SPECC1: variants seen among roughly 807,000 people sequenced by gnomAD.
SPECC1 encodes sperm antigen with calponin homology and coiled-coil domains 1.
In SPECC1, 62 loss-of-function variants were observed where a neutral mutation model predicts 104.1. That is an observed-to-expected ratio of 0.60 (90% CI 0.49 to 0.74). The LOEUF (loss-of-function observed/expected upper bound fraction) is 0.74. SPECC1 is among the 30% of genes least tolerant of loss of function. SPECC1 has a pLI of 0.00. For synonymous variants in SPECC1, 513 were observed against 501.6 expected (o/e 1.02, Z -0.30); for missense variants, 1,306 against 1,310.5 (o/e 1.00, Z 0.05).
At chr17:20,110,372 G>A (rs1474885085) in intron 2 of SPECC1, 55 bp from the exon 3 acceptor site, 13 of 1,551,800 alleles carry the variant, frequency 8.4e-6, no homozygotes, top group East Asian at 2.3e-5. Flanking sequence ...TGTTTATAGC[G>A]CTCCTTCCTG....
chr17:20,242,110 C>G (rs2039229008), intron 7 of SPECC1, among the ~76,000 whole-genome samples: 1 of 152,214 alleles, frequency 6.6e-6, no homozygotes, highest in African/African-American at 2.4e-5. Context: ...CCATACAACA[C>G]TACCCAAATG....
chr17:20,137,402 A>G (rs2030129365), intron 3 of SPECC1, among the ~76,000 whole-genome samples: 1 of 152,254 alleles, frequency 6.6e-6, no homozygotes, highest in Non-Finnish European at 1.5e-5. Context: ...TGCCCATTAC[A>G]GAGAATTGTG....
chr17:20,033,720 G>C (rs544576453), intron 1 of SPECC1, among the ~76,000 whole-genome samples: 412 of 152,258 alleles, frequency 2.7e-3, no homozygotes, highest in African/African-American at 9.4e-3. Flanking sequence ...ATTCAGGAGG[G>C]ATATGCCACC....
At chr17:20,234,055 AC>A (rs1207054325) in intron 7 of SPECC1, among the ~76,000 whole-genome samples, 4 of 152,202 alleles carry the variant, frequency 2.6e-5, no homozygotes, top group Non-Finnish European at 1.5e-5. Flanking sequence ...ATTCTGAGAC[AC>A]AGGCCAGACC....
chr17:20,183,417 T>C (rs745813664), intron 3 of SPECC1, among the ~76,000 whole-genome samples: 3 of 152,198 alleles, frequency 2.0e-5, no homozygotes, highest in Non-Finnish European at 4.4e-5. Flanking sequence ...AAAAGTTTGC[T>C]AATTGCAGTA....
intron 13 of SPECC1, 91 bp from the exon 14 acceptor site, chr17:20,305,932 A>C: frequency 8.8e-7 from 1 of 1,132,190 alleles, no homozygotes; most frequent in Non-Finnish European, 1.3e-6. Context: ...ATAGTGAATA[A>C]TCTATATGGG....
At chr17:20,274,892 C>T (rs1458363825) in intron 12 of SPECC1, among the ~76,000 whole-genome samples, 48 of 149,496 alleles carry the variant, frequency 3.2e-4, no homozygotes, top group Admixed American at 3.2e-3. Context: ...GTTTTATTTT[C>T]TGTTCGTAAT....
intron 3 of SPECC1, among the ~76,000 whole-genome samples, chr17:20,184,720 T>C (rs1006518003): frequency 1.3e-5 from 2 of 152,154 alleles, no homozygotes; most frequent in African/African-American, 4.8e-5. Context: ...TACATGAGAG[T>C]TCTATATAAG....
Position 20,238,595 on chromosome 17 carries a change from ATTAGC to A in SPECC1, c.2351+6193_2351+6197del, listed in dbSNP as rs1296572922. 2.9e-6 allele frequency: 3 copies of A among 1,042,796 alleles called. No individual in the cohort carries two copies. The African/African-American group carries it at 5.0e-5, about 17-fold the overall frequency. 64.6% of individuals were successfully genotyped at this position (1,042,796 alleles called of 1,614,324 possible). A position where few individuals can be genotyped will look rare whatever the true frequency, so the allele number is the denominator to read the frequency against. On this transcript the variant is annotated intron_variant, in intron 7 of 14. Transcript: ENST00000395527. ...TGGACAGCACAGAATCATTAGAAAA[ATTAGC>A]TTGGCGTGAGAAGAGACATTGAGGT...
chr17:20,231,381 C>T (rs1326001284), intron 5 of SPECC1, among the ~76,000 whole-genome samples: 1 of 152,210 alleles, frequency 6.6e-6, no homozygotes, highest in East Asian at 1.9e-4. Flanking sequence ...CTCTATCTCA[C>T]AGCAATAAAG....
intron 14 of SPECC1, among the ~76,000 whole-genome samples, chr17:20,308,017 A>G (rs1046190544): frequency 1.3e-5 from 2 of 152,202 alleles, no homozygotes; most frequent in African/African-American, 4.8e-5. Flanking sequence ...GATGATGATG[A>G]TGAATGGTCA....
chr17:20,180,740 T>G (rs866999107), intron 3 of SPECC1, among the ~76,000 whole-genome samples: 2 of 152,368 alleles, frequency 1.3e-5, no homozygotes, highest in African/African-American at 4.8e-5. Flanking sequence ...GTAGCTTGCT[T>G]GCAGCCTGCC....
At chr17:20,295,364 G>A (rs2041314456) in intron 12 of SPECC1, among the ~76,000 whole-genome samples, 1 of 151,948 alleles carries the variant, frequency 6.6e-6, no homozygotes, top group African/African-American at 2.4e-5. Context: ...CCTTTTTATG[G>A]CTGTATAGTA....
chr17:20,299,572 A>AG (rs1251342561), intron 13 of SPECC1, among the ~76,000 whole-genome samples: 1 of 118,362 alleles, frequency 8.4e-6, no homozygotes, highest in Non-Finnish European at 1.9e-5. Context: ...AAAAAAAAAA[A>AG]AAAAAAAGAA....
In SPECC1 at chr17:20,093,800, G is replaced by C. The variant is rs184675452; in HGVS notation, c.-21-2831G>C. On this transcript the variant is annotated intron_variant, in intron 1 of 14. Coordinates refer to ENST00000395527, the MANE Select transcript of SPECC1 (RefSeq NM_001243439.2). The stretch of plus-strand genomic sequence containing the variant: ...GGCTGGAGTGCAGTAGCTCAATCTT[G>C]GTTCACTACAACCTCTGCCTCCCGG... 1.2e-3 allele frequency among the ~76,000 whole-genome samples: 173 copies of C among 148,526 alleles called. 5 individuals carry two copies. Among genetic ancestry groups the C allele is most frequent in the Admixed American group, 0.011 (164 of 14,814 alleles).
chr17:20,075,527 G>A (rs1275506403), intron 1 of SPECC1, among the ~76,000 whole-genome samples: 2 of 152,174 alleles, frequency 1.3e-5, no homozygotes, highest in Non-Finnish European at 2.9e-5. Flanking sequence ...TTTTTGCTGG[G>A]TGCAGTGGCT....
chr17:20,237,413 C>T, intron 7 of SPECC1: 1 of 429,164 alleles, frequency 2.3e-6, no homozygotes, highest in Non-Finnish European at 3.2e-6. Flanking sequence ...CTCCCGGGTT[C>T]AAGTGATTCT....
At chr17:20,099,694 CAAAAAAAA>C (rs768172798) in intron 2 of SPECC1, among the ~76,000 whole-genome samples, 683 of 17,412 alleles carry the variant, frequency 0.039, 12 homozygotes, top group African/African-American at 0.12. Flanking sequence ...CACTCTATCT[CAAAAAAAA>C]AAAAAAAAAA....
At chr17:20,195,893 C>G (rs1192987369) in intron 3 of SPECC1, among the ~76,000 whole-genome samples, 1 of 152,178 alleles carries the variant, frequency 6.6e-6, no homozygotes, top group African/African-American at 2.4e-5. Context: ...CAGGTTTTTG[C>G]TCTAAGAAAC....
Sources: gnomAD v4.1 joint callset for allele counts (sites outside exome capture counted in the v4.1 genomes callset) on GRCh38, gnomAD v4.1.1 for gene constraint, MANE v1.5 for transcripts, NCBI Gene and HGNC (gene_info 2026-07-23, HGNC 2026-07-21) for gene names.